The following TET2 variants were observed in gnomAD, a reference collection of about 807,000 sequenced individuals.
TET2 encodes the protein tet methylcytosine dioxygenase 2, also known as methylcytosine dioxygenase TET2.
TET2 carries 299 observed loss-of-function variants against 142.9 expected under a neutral mutation model. The observed-to-expected ratio is 2.09, with a 90% CI of 1.90 to 2.30. The LOEUF (loss-of-function observed/expected upper bound fraction) is 2.30. Ranked by LOEUF, TET2 falls within the 30% of genes most tolerant of loss-of-function variation. The probability of loss-of-function intolerance (pLI) is 0.00; values close to 1 mark genes in which losing one functional copy is unlikely to be tolerated. For missense variants in TET2, 2,418 were observed against 2,378.0 expected (o/e 1.02, Z -0.35); for synonymous variants, 819 against 849.0 (o/e 0.96, Z 0.61).
intron 1 of TET2, among the ~76,000 whole-genome samples, chr4:105,153,148 A>G (rs938387256): frequency 6.6e-6 from 1 of 152,188 alleles, no homozygotes; most frequent in Non-Finnish European, 1.5e-5. Context: ...TAATACAGAG[A>G]GATTCCACGT....
intron 1 of TET2, among the ~76,000 whole-genome samples, chr4:105,148,430 A>G (rs1219453736): frequency 6.6e-6 from 1 of 152,214 alleles, no homozygotes; most frequent in African/African-American, 2.4e-5. Context: ...CTCAAATCAC[A>G]CATTGTGCTT....
At chr4:105,150,057 C>T (rs572828861) in intron 1 of TET2, among the ~76,000 whole-genome samples, 2 of 152,330 alleles carry the variant, frequency 1.3e-5, no homozygotes, top group African/African-American at 4.8e-5. Context: ...AGTCAAATGT[C>T]ACTATTGAAA....
At chr4:105,270,063 C>T (rs912915441) in intron 9 of TET2, among the ~76,000 whole-genome samples, 15 of 152,144 alleles carry the variant, frequency 9.9e-5, no homozygotes, top group African/African-American at 3.1e-4. Context: ...TGGGTCCTTC[C>T]CAAAACACAT....
rs2110228050 is a variant in TET2, at chr4:105,235,510, G to C, written c.1568G>C (p.Gly523Ala). Reference protein sequence around the residue: ...KHNPPIFGSSGELQDNCQQLM... With the variant: ...KHNPPIFGSSAELQDNCQQLM... ...AACCCACCAATTTTTGGTAGCAGTG[G>C]AGAGCTACAGGACAACTGCCAGCAG... The change falls in exon 3 of 11, where the codon GGA becomes GCA. Residue 523 changes from glycine to alanine, a missense_variant. Transcript: ENST00000380013. 6.2e-7 allele frequency: 1 copy of C among 1,614,142 alleles called. No individual in the cohort carries two copies.
rs948963638 is a variant in TET2 at position 105,275,239 on chromosome 4, A to C, written c.4729A>C (p.Ser1577Arg). The change falls in exon 11 of 11, where the codon AGT (serine) becomes CGT (arginine). Residue 1577 changes from serine (S) to arginine (R), a missense_variant. Ser to Arg is a moderately radical substitution (Grantham distance 110, BLOSUM62 -1). Transcript: ENST00000380013. Reference sequence around the variant, plus strand: ...ATACATGAGACGGCCCAATCCAGTTAGTCCTTATCCAAACTCTTCACACAC... The same window carrying C: ...ATACATGAGACGGCCCAATCCAGTTCGTCCTTATCCAAACTCTTCACACAC... ...NPYMRRPNPV[S>R]PYPNSSHTSD... 8.6e-5 allele frequency: 133 copies of C among 1,552,226 alleles called. No individual in the cohort carries two copies. The highest frequency in any genetic ancestry group is 1.1e-4 in the Non-Finnish European group (121 of 1,147,132).
rs1731167900 is a variant in TET2, at chr4:105,275,518, C to T, written c.5008C>T (p.Leu1670Phe). ...TCCAAGCCAAGACCCTCTGTCTAAG[C>T]TCAGTCTACCACCCATCCATACACT... ...RYPSQDPLSK[L>F]SLPPIHTLYQ... Residue 1670 changes from leucine (L) to phenylalanine (F), a missense_variant, in exon 11 of 11, where the codon CTC becomes TTC. Physicochemically the swap from Leu to Phe is conservative, Grantham distance 22. Transcript: ENST00000380013. The T allele has an allele frequency of 1.3e-6, 2 of 1,551,696 alleles. No individual in the cohort carries two copies. The highest frequency in any genetic ancestry group is 1.2e-5 in the South Asian group (1 of 84,064).
Position 105,278,765 on chromosome 4 carries a change from A to T in TET2, c.*2246A>T. 4.3e-6 allele frequency: 1 copy of T among 233,026 alleles called. No individual in the cohort carries two copies. The allele number at this position is 233,026 out of a possible 1,614,324, so 14.4% of individuals were successfully genotyped here. On this transcript the variant is annotated 3_prime_UTR_variant, in exon 11 of 11. Transcript: ENST00000380013. ...CATGAAAATAGAATGCACTGAGTTG[A>T]TAAAGGGAAAAATTGTAAGGCAGGA...
chr4:105,167,261 A>G (rs1442852380), intron 1 of TET2, among the ~76,000 whole-genome samples: 1 of 152,086 alleles, frequency 6.6e-6, no homozygotes, highest in Non-Finnish European at 1.5e-5. Context: ...CTCAAATCAT[A>G]TAAAATGTAT....
intron 1 of TET2, chr4:105,178,089 A>G (rs1724905933): frequency 6.6e-6 from 1 of 150,522 alleles, no homozygotes; most frequent in African/African-American, 2.4e-5. Context: ...CTCCATCTCA[A>G]AAAAAAAAGC....
chr4:105,174,133 A>T (rs1169151627), intron 1 of TET2, among the ~76,000 whole-genome samples: 1 of 152,162 alleles, frequency 6.6e-6, no homozygotes, highest in Non-Finnish European at 1.5e-5. Context: ...GTAAAATTTT[A>T]GGGGTATCAG....
chr4:105,214,301 A>AC (rs1727347408), intron 2 of TET2, among the ~76,000 whole-genome samples: 2 of 86,036 alleles, frequency 2.3e-5, no homozygotes, highest in African/African-American at 9.6e-5. Flanking sequence ...CCCGAGGGAG[A>AC]TTTTTTTTTT....
In TET2 at chr4:105,204,229, AT is replaced by A. The variant is rs1381410269; in HGVS notation, c.-47+13725del. On this transcript the variant is annotated intron_variant, in intron 2 of 10. Transcript: ENST00000380013. ...CAAAAACAAACCAAAAAAAAAAAAA[AT>A]ATATACACACACACACACACACACA... Among the ~76,000 whole-genome samples the A allele has an allele frequency of 6.2e-3, 661 of 106,570 alleles. 3 individuals are homozygous for A. The highest frequency in any genetic ancestry group is 8.8e-3 in the Non-Finnish European group (460 of 52,174). 69.9% of individuals were successfully genotyped at this position (106,570 alleles called of 152,430 possible).
At chr4:105,252,533 C>G (rs1729923037) in intron 6 of TET2, among the ~76,000 whole-genome samples, 1 of 152,148 alleles carries the variant, frequency 6.6e-6, no homozygotes, top group Non-Finnish European at 1.5e-5. Flanking sequence ...GTAAATAACA[C>G]AGAGCACAGT....
intron 8 of TET2, among the ~76,000 whole-genome samples, chr4:105,266,562 G>A (rs916345233): frequency 4.6e-5 from 7 of 152,076 alleles, no homozygotes; most frequent in African/African-American, 7.2e-5. Context: ...CCAGAGGAAA[G>A]CATGAGAGTG....
intron 2 of TET2, among the ~76,000 whole-genome samples, chr4:105,225,501 T>A (rs1728135629): frequency 6.6e-6 from 1 of 152,130 alleles, no homozygotes; most frequent in African/African-American, 2.4e-5. Context: ...CCTTTTACCT[T>A]TGACTTAGTG....
chr4:105,236,593 A>G lies in TET2; in HGVS notation c.2651A>G (p.Gln884Arg). ...PKQDLLHRCF[Q>R]EQEQKSQQAS... ...CAAGATCTTCTTCACAGGTGCTTTC[A>G]AGAACAGGAGCAGAAGTCACAACAA... The change falls in exon 3 of 11, where the codon CAA becomes CGA. Residue 884 changes from glutamine to arginine, a missense_variant. Coordinates refer to ENST00000380013, the MANE Select transcript of TET2 (RefSeq NM_001127208.3). The G allele has an allele frequency of 6.2e-7, 1 of 1,614,122 alleles. No homozygotes were observed. Among genetic ancestry groups the G allele is most frequent in the Non-Finnish European group, 8.5e-7 (1 of 1,180,024 alleles).
chr4:105,232,919 G>A (rs980126379), intron 2 of TET2, among the ~76,000 whole-genome samples: 3 of 152,152 alleles, frequency 2.0e-5, no homozygotes, highest in Admixed American at 6.5e-5. Context: ...TTATCTCTCA[G>A]GTGTATTTGG....
At chr4:105,155,312 A>T (rs1560710626) in intron 1 of TET2, among the ~76,000 whole-genome samples, 1 of 152,226 alleles carries the variant, frequency 6.6e-6, no homozygotes, top group African/African-American at 2.4e-5. Flanking sequence ...CATGTTGAAG[A>T]TGTAAAATAA....
chr4:105,259,169 T>C (rs922082059), intron 6 of TET2, among the ~76,000 whole-genome samples: 33 of 152,272 alleles, frequency 2.2e-4, no homozygotes, highest in African/African-American at 7.7e-4. Flanking sequence ...GAAGATCACT[T>C]GAGCCCAGAA....
Sources: allele counts gnomAD v4.1 joint callset (sites outside exome capture counted in the v4.1 genomes callset), GRCh38; gene constraint gnomAD v4.1.1; transcripts MANE v1.5; gene names NCBI Gene and HGNC (gene_info 2026-07-23, HGNC 2026-07-21).